NR5A2: variants seen among roughly 807,000 people sequenced by gnomAD.
NR5A2 encodes nuclear receptor subfamily 5 group A member 2, also known as CYP7A promoter-binding factor.
NR5A2 carries 26 observed loss-of-function variants against 62.7 expected under a neutral mutation model. The ratio of observed to expected loss-of-function variants is 0.41; its 90% CI spans 0.30 to 0.58. NR5A2 has a LOEUF of 0.58. Among genes scored for constraint, NR5A2 ranks in the 20% least tolerant of loss-of-function variants. NR5A2 has a pLI of 0.22. For missense variants in NR5A2, 541 were observed against 669.1 expected, an observed-to-expected ratio of 0.81 and a Z score of 2.11; for synonymous variants, 246 against 241.7, an observed-to-expected ratio of 1.02 and a Z score of -0.16.
rs1558157085 is a variant in NR5A2 at position 200,130,324 on chromosome 1, A to AAGAAGAAGAAG, written c.1378+9370_1378+9371insGAAGAAGAAGA. 2.1e-5 allele frequency among the ~76,000 whole-genome samples: 3 copies of AAGAAGAAGAAG among 145,014 alleles called. No homozygotes were observed. In the Admixed American group the frequency reaches 2.1e-4, roughly 10 times the overall value. On this transcript the variant is annotated intron_variant, in intron 7 of 7. Coordinates refer to ENST00000367362, the MANE Select transcript of NR5A2 (RefSeq NM_205860.3). ...AGAAGAAGAAGAAGAAGAAGAAGAA[A>AAGAAGAAGAAG]AAAAAAATCCAACAGAGAAATTTGA... is the stretch of plus-strand genomic sequence containing the variant.
Position 200,165,337 on chromosome 1 carries a change from T to A in NR5A2, c.1379-8626T>A, listed in dbSNP as rs114906194. Among the ~76,000 whole-genome samples, 1,443 of 152,268 alleles carry A rather than the reference T, an allele frequency of 9.5e-3. 22 individuals carry two copies. Among genetic ancestry groups the A allele is most frequent in the African/African-American group, 0.033 (1,373 of 41,506 alleles). On this transcript the variant is annotated intron_variant, in intron 7 of 7. Transcript: ENST00000367362. ...AACCTTTACAATGAATGCCGCTACATTGACACATCCTCATCACCCAAAGTC... is the reference window on the plus strand; with the variant it reads ...AACCTTTACAATGAATGCCGCTACAATGACACATCCTCATCACCCAAAGTC...
chr1:200,121,037 T>C lies in NR5A2; in HGVS notation c.1378+82T>C, dbSNP rs1056844047. On this transcript the variant is annotated intron_variant, in intron 7 of 7. Coordinates refer to ENST00000367362, the MANE Select transcript of NR5A2 (RefSeq NM_205860.3). The stretch of plus-strand genomic sequence containing the variant: ...GTTCAAATATCTTGTGGTCCATGTA[T>C]GTTTTTGTTCTATCAATATAATGCC... 8 of 1,482,630 alleles carry C rather than the reference T, an allele frequency of 5.4e-6. No individual in the cohort carries two copies. The African/African-American group carries it at 9.8e-5, about 18-fold the overall frequency. The allele number at this position is 1,482,630 out of a possible 1,614,324, so 91.8% of individuals were successfully genotyped here. A position where few individuals can be genotyped will look rare whatever the true frequency, so the allele number is the denominator to read the frequency against.
At chr1:200,145,730 C>T (rs1571553384) in intron 7 of NR5A2, among the ~76,000 whole-genome samples, 1 of 152,138 alleles carries the variant, frequency 6.6e-6, no homozygotes, top group Non-Finnish European at 1.5e-5. Flanking sequence ...TGAGCTCAGG[C>T]AATCAGCCTC....
chr1:200,153,608 G>A (rs1419774515), intron 7 of NR5A2, among the ~76,000 whole-genome samples: 1 of 152,150 alleles, frequency 6.6e-6, no homozygotes, highest in Non-Finnish European at 1.5e-5. Context: ...CCCTGCCAGA[G>A]AGGTTGCTGG....
chr1:200,120,685 C>T (rs1161906309), intron 6 of NR5A2, 123 bp from the exon 7 acceptor site: 1 of 997,852 alleles, frequency 1.0e-6, no homozygotes, highest in African/African-American at 1.7e-5. Context: ...AGTGAGACCC[C>T]ACATCTCTAT....
intron 6 of NR5A2, among the ~76,000 whole-genome samples, chr1:200,117,326 TC>T (rs1314603880): frequency 2.0e-5 from 3 of 151,196 alleles, no homozygotes; most frequent in Admixed American, 6.7e-5. Context: ...CACCTATCCT[TC>T]TTTAGAGCTG....
intron 5 of NR5A2, among the ~76,000 whole-genome samples, chr1:200,080,687 CA>C (rs1664252859): frequency 6.6e-6 from 1 of 152,166 alleles, no homozygotes; most frequent in African/African-American, 2.4e-5. Context: ...TTGTCAAAAA[CA>C]AATTCTTCAC....
chr1:200,166,421 C>T (rs2102388402), intron 7 of NR5A2, among the ~76,000 whole-genome samples: 1 of 152,242 alleles, frequency 6.6e-6, no homozygotes, highest in East Asian at 1.9e-4. Flanking sequence ...GTGAAATTTC[C>T]TTCAAAATCT....
At chr1:200,162,991 C>T (rs534945541) in intron 7 of NR5A2, among the ~76,000 whole-genome samples, 4 of 152,230 alleles carry the variant, frequency 2.6e-5, no homozygotes, top group African/African-American at 9.6e-5. Flanking sequence ...CAGTCTTCCA[C>T]ATGGGTCACT....
intron 7 of NR5A2, among the ~76,000 whole-genome samples, chr1:200,152,006 G>C (rs1337337799): frequency 2.0e-5 from 3 of 152,194 alleles, no homozygotes; most frequent in African/African-American, 7.2e-5. Flanking sequence ...CCAAGCACAT[G>C]TTGGAAAAAG....
chr1:200,053,744 T>C (rs1341128601), intron 5 of NR5A2, among the ~76,000 whole-genome samples: 1 of 152,222 alleles, frequency 6.6e-6, no homozygotes, highest in African/African-American at 2.4e-5. Context: ...AGATTTTCCC[T>C]GAGTCCAGAT....
At chr1:200,131,079 A>G (rs1666951618) in intron 7 of NR5A2, among the ~76,000 whole-genome samples, 1 of 152,246 alleles carries the variant, frequency 6.6e-6, no homozygotes, top group South Asian at 2.1e-4. Context: ...AGCATTTCCT[A>G]AAATTTATGT....
At chr1:200,168,947 A>G (rs909365744) in intron 7 of NR5A2, among the ~76,000 whole-genome samples, 4 of 152,228 alleles carry the variant, frequency 2.6e-5, no homozygotes, top group Non-Finnish European at 4.4e-5. Context: ...GTGACAGTTT[A>G]TAGATTGTCA....
chr1:200,070,011 T>G (rs1558119647), intron 5 of NR5A2, among the ~76,000 whole-genome samples: 1 of 152,148 alleles, frequency 6.6e-6, no homozygotes, highest in East Asian at 1.9e-4. Context: ...AGGGAAAGTT[T>G]TTTTTTTTTA....
chr1:200,120,178 T>C (rs548713557), intron 6 of NR5A2, among the ~76,000 whole-genome samples: 23 of 152,326 alleles, frequency 1.5e-4, no homozygotes, highest in African/African-American at 4.8e-4. Flanking sequence ...TGTGATTCTT[T>C]CATCATCCAC....
chr1:200,042,959 T>C, intron 2 of NR5A2: 2 of 984,754 alleles, frequency 2.0e-6, no homozygotes, highest in Non-Finnish European at 2.4e-6. Context: ...AATAGGGCGA[T>C]CTCGAGGTGT....
intron 6 of NR5A2, among the ~76,000 whole-genome samples, chr1:200,117,598 C>G (rs1230555618): frequency 1.3e-5 from 2 of 152,120 alleles, no homozygotes; most frequent in Non-Finnish European, 2.9e-5. Flanking sequence ...CCTGTTAGAA[C>G]TATACACAAC....
At chr1:200,029,175 G>C in intron 1 of NR5A2, 2 of 395,760 alleles carry the variant, frequency 5.1e-6, no homozygotes, top group South Asian at 3.5e-5. Context: ...CCGCGTCCGG[G>C]GCCGCAGCTA....
intron 7 of NR5A2, among the ~76,000 whole-genome samples, chr1:200,121,848 C>A (rs866002278): frequency 2.4e-4 from 36 of 152,284 alleles, no homozygotes; most frequent in African/African-American, 7.5e-4. Flanking sequence ...GTTGTGAATT[C>A]ATATTCTAGG....
Sources: gnomAD v4.1 joint callset for allele counts (sites outside exome capture counted in the v4.1 genomes callset) on GRCh38, gnomAD v4.1.1 for gene constraint, MANE v1.5 for transcripts, NCBI Gene and HGNC (gene_info 2026-07-23, HGNC 2026-07-21) for gene names.